The following GRIK2 variants were observed in gnomAD, a reference collection of about 807,000 sequenced individuals.
GRIK2 encodes glutamate receptor ionotropic, kainate 2.
Under a neutral mutation model 100.3 loss-of-function variants are expected in GRIK2, and 32 were observed. That is an observed-to-expected ratio of 0.32 (90% CI 0.24 to 0.43). GRIK2 has a LOEUF of 0.43. Ranked by LOEUF, GRIK2 falls within the 20% of genes least tolerant of loss-of-function variation. The pLI, the probability that GRIK2 is intolerant of heterozygous loss-of-function variation, is 1.00. For missense variants in GRIK2, 843 were observed against 1,114.9 expected, an observed-to-expected ratio of 0.76 and a Z score of 3.47; for synonymous variants, 417 against 389.4, an observed-to-expected ratio of 1.07 and a Z score of -0.83.
At chr6:101,902,323 G>A (rs970696051) in intron 12 of GRIK2, among the ~76,000 whole-genome samples, 8 of 151,910 alleles carry the variant, frequency 5.3e-5, no homozygotes, top group Non-Finnish European at 8.8e-5. Flanking sequence ...GGTAGTTCGG[G>A]TGGAATGTAT....
intron 7 of GRIK2, among the ~76,000 whole-genome samples, chr6:101,725,033 A>T (rs1300715968): frequency 1.3e-5 from 2 of 152,006 alleles, no homozygotes; most frequent in South Asian, 2.1e-4. Context: ...TTAAACTCTC[A>T]TAAAAGTTTT....
intron 6 of GRIK2, among the ~76,000 whole-genome samples, chr6:101,682,939 C>T (rs1291441464): frequency 6.6e-6 from 1 of 152,176 alleles, no homozygotes; most frequent in African/African-American, 2.4e-5. Flanking sequence ...CACAGTGGCT[C>T]ATTTCTGTAA....
rs1259245554 is a variant in GRIK2 at position 101,864,733 on chromosome 6, C to T, written c.1524+5240C>T. ...GTTGCTATATTTTGTCTATTCAACC[C>T]CATGAGCTAGTTTACAGGATTACTG... On this transcript the variant is annotated intron_variant, in intron 11 of 16. Coordinates refer to ENST00000369134, the MANE Select transcript of GRIK2 (RefSeq NM_021956.5). 2.6e-5 allele frequency among the ~76,000 whole-genome samples: 4 copies of T among 151,996 alleles called. No individual in the cohort carries two copies. The South Asian group carries it at 8.3e-4, about 31-fold the overall frequency.
chr6:102,064,109 C>A (rs1771884887), intron 16 of GRIK2: 1 of 758,590 alleles, frequency 1.3e-6, no homozygotes, highest in East Asian at 2.7e-5. Context: ...TGTGGAGAAA[C>A]ATTTTTATTG....
chr6:101,621,474 A>G (rs1404218935), intron 2 of GRIK2, among the ~76,000 whole-genome samples: 1 of 152,060 alleles, frequency 6.6e-6, no homozygotes, highest in Non-Finnish European at 1.5e-5. Context: ...ATTGTTTAAA[A>G]GAATTTTGAT....
rs555837608 is a variant in GRIK2, at chr6:101,614,004, C to T, written c.116-7945C>T. 3.7e-4 allele frequency among the ~76,000 whole-genome samples: 56 copies of T among 151,638 alleles called. 1 individual carries two copies. Among genetic ancestry groups the T allele is most frequent in the Admixed American group, 3.3e-4 (5 of 15,136 alleles). ...GGGAGAACTTTGTGCTGGAGCTCTC[C>T]AGAGAGGTGAGGGACTGCTTCAGAT... On this transcript the variant is annotated intron_variant, in intron 2 of 16. Coordinates refer to ENST00000369134, the MANE Select transcript of GRIK2 (RefSeq NM_021956.5).
rs151308796 is a variant in GRIK2 at position 101,834,218 on chromosome 6, G to A, written c.1317+15735G>A. Among the ~76,000 whole-genome samples the A allele has an allele frequency of 7.0e-3, 1,061 of 151,928 alleles. 6 individuals are homozygous for A. Among genetic ancestry groups the A allele is most frequent in the Middle Eastern group, 0.024 (7 of 292 alleles). ...TCTTTCTCACATAAAATTCTTTGAGGCTTAAAATTTCTTTCCCTTTTTTCT... is the reference window on the plus strand; with the variant it reads ...TCTTTCTCACATAAAATTCTTTGAGACTTAAAATTTCTTTCCCTTTTTTCT... On this transcript the variant is annotated intron_variant, in intron 10 of 16. Transcript: ENST00000369134.
At chr6:101,950,093 A>G (rs998992354) in intron 14 of GRIK2, among the ~76,000 whole-genome samples, 2 of 152,054 alleles carry the variant, frequency 1.3e-5, no homozygotes, top group Admixed American at 6.6e-5. Flanking sequence ...TCTCATTTTA[A>G]TCTCCTGATT....
chr6:101,395,682 T>C (rs1340308290), intron 1 of GRIK2, among the ~76,000 whole-genome samples: 1 of 151,900 alleles, frequency 6.6e-6, no homozygotes, highest in Non-Finnish European at 1.5e-5. Context: ...GCTAGTGGGT[T>C]TTTTTGTTAT....
intron 12 of GRIK2, among the ~76,000 whole-genome samples, chr6:101,892,262 C>T (rs1334817181): frequency 1.3e-5 from 2 of 152,092 alleles, no homozygotes; most frequent in Non-Finnish European, 2.9e-5. Context: ...CCTAATTTTC[C>T]AAGCCCACGG....
chr6:101,641,899 A>C (rs1017722996), intron 4 of GRIK2, among the ~76,000 whole-genome samples: 1 of 151,968 alleles, frequency 6.6e-6, no homozygotes, highest in African/African-American at 2.4e-5. Context: ...TGTGGGGTAG[A>C]GTAAATCCAA....
At chr6:101,442,428 CCAGT>C (rs57021346) in intron 2 of GRIK2, among the ~76,000 whole-genome samples, 52,447 of 151,732 alleles carry the variant, frequency 0.35, 9,339 homozygotes, top group Middle Eastern at 0.39. Flanking sequence ...CCCCATCCTG[CCAGT>C]CAGTGCGCCG....
At chr6:101,791,054 T>A (rs1583157522) in intron 7 of GRIK2, among the ~76,000 whole-genome samples, 1 of 152,284 alleles carries the variant, frequency 6.6e-6, no homozygotes, top group East Asian at 1.9e-4. Context: ...GGTGGTGATA[T>A]CCCTTTTATC....
chr6:101,564,594 G>C (rs139420242), intron 2 of GRIK2, among the ~76,000 whole-genome samples: 1 of 152,216 alleles, frequency 6.6e-6, no homozygotes, highest in Non-Finnish European at 1.5e-5. Flanking sequence ...GCCTTGGAGA[G>C]TTGACCAAAC....
At chr6:101,743,712 C>T (rs1776193752) in intron 7 of GRIK2, among the ~76,000 whole-genome samples, 2 of 152,054 alleles carry the variant, frequency 1.3e-5, no homozygotes, top group African/African-American at 4.8e-5. Flanking sequence ...GTAGTATGTC[C>T]TATCACTTCC....
chr6:101,789,645 C>T (rs1450231741), intron 7 of GRIK2, among the ~76,000 whole-genome samples: 1 of 152,108 alleles, frequency 6.6e-6, no homozygotes, highest in Non-Finnish European at 1.5e-5. Flanking sequence ...AATGTGATGC[C>T]TCCAGCTTTG....
intron 2 of GRIK2, among the ~76,000 whole-genome samples, chr6:101,581,166 AC>A (rs1467700632): frequency 7.5e-6 from 1 of 133,258 alleles, no homozygotes; most frequent in Non-Finnish European, 1.6e-5. Flanking sequence ...AGATATATAT[AC>A]ATATATATAT....
intron 2 of GRIK2, among the ~76,000 whole-genome samples, chr6:101,534,257 A>T (rs1463451115): frequency 6.6e-6 from 1 of 151,836 alleles, no homozygotes; most frequent in East Asian, 1.9e-4. Flanking sequence ...TTTGTTTGAC[A>T]TTGCTGACTA....
At chr6:101,645,365 G>A (rs1781475375) in intron 4 of GRIK2, among the ~76,000 whole-genome samples, 1 of 151,742 alleles carries the variant, frequency 6.6e-6, no homozygotes, top group East Asian at 1.9e-4. Flanking sequence ...CCTGTCAGTA[G>A]CTATTGTGTT....
Sources: allele counts gnomAD v4.1 joint callset (sites outside exome capture counted in the v4.1 genomes callset), GRCh38; gene constraint gnomAD v4.1.1; transcripts MANE v1.5; gene names NCBI Gene and HGNC (gene_info 2026-07-23, HGNC 2026-07-21).